Variants in TOX2 observed in about 807,000 individuals in gnomAD.
TOX2 encodes TOX high mobility group box family member 2.
A neutral mutation model predicts 47.4 loss-of-function variants in TOX2; 15 were observed. The ratio of observed to expected loss-of-function variants is 0.32; its 90% CI spans 0.21 to 0.49. The LOEUF (loss-of-function observed/expected upper bound fraction) is 0.49. TOX2 is among the 20% of genes least tolerant of loss of function. The pLI is 0.99. For synonymous variants in TOX2, 290 were observed against 296.6 expected (o/e 0.98, Z 0.23); for missense variants, 622 against 673.1 (o/e 0.92, Z 0.84).
intron 3 of TOX2, among the ~76,000 whole-genome samples, chr20:44,019,969 T>A (rs1402231940): frequency 6.6e-6 from 1 of 152,144 alleles, no homozygotes; most frequent in African/African-American, 2.4e-5. Context: ...AGGGTGTGGA[T>A]CACAGCCGGC....
In TOX2 at chr20:43,980,480, G is replaced by A. The variant is rs559333293; in HGVS notation, c.165+7048G>A. ...ACAACAAAGTATAGTCAATAATTGC[G>A]TATTTTAAAATAACTGAAAGAGTAT... On this transcript the variant is annotated intron_variant, in intron 2 of 8. Transcript: ENST00000341197. Among the ~76,000 whole-genome samples, 7 of 152,224 alleles carry A rather than the reference G, an allele frequency of 4.6e-5. 2 individuals are homozygous for A. The South Asian group carries it at 8.3e-4, about 18-fold the overall frequency.
In TOX2 at chr20:44,039,137, CGT is replaced by C. The variant is rs771661904; in HGVS notation, c.412-12165_412-12164del. The C allele has an allele frequency of 2.2e-5, 27 of 1,255,616 alleles. No homozygotes were observed. The South Asian group carries it at 3.4e-4, about 16-fold the overall frequency. The allele number at this position is 1,255,616 out of a possible 1,614,324, so 77.8% of individuals were successfully genotyped here. On this transcript the variant is annotated intron_variant, in intron 3 of 8. Transcript: ENST00000341197. ...CACTTGAGCAGATGCCGGGAGGCAA[CGT>C]GTGGAGAGCTCTGCCAGAGGCTTGG...
intron 3 of TOX2, among the ~76,000 whole-genome samples, chr20:44,023,431 GAAAAAA>G (rs35627597): frequency 1.4e-3 from 171 of 119,144 alleles, no homozygotes; most frequent in Non-Finnish European, 2.1e-3. Context: ...CTTTATCTCA[GAAAAAA>G]AAAAAAAAAA....
intron 2 of TOX2, among the ~76,000 whole-genome samples, chr20:43,978,146 T>C (rs1380776657): frequency 2.0e-5 from 3 of 152,190 alleles, no homozygotes; most frequent in African/African-American, 7.2e-5. Flanking sequence ...GCTGTGAGTG[T>C]TGGCTGCTAA....
intron 3 of TOX2, among the ~76,000 whole-genome samples, chr20:44,047,429 A>T (rs758865090): frequency 1.1e-4 from 16 of 152,376 alleles, no homozygotes; most frequent in Non-Finnish European, 2.4e-4. Flanking sequence ...TCAAGTCAAC[A>T]TTAATAGAGA....
intron 2 of TOX2, among the ~76,000 whole-genome samples, chr20:44,005,298 CTCTT>C (rs752905454): frequency 2.6e-5 from 4 of 152,218 alleles, no homozygotes; most frequent in Non-Finnish European, 5.9e-5. Context: ...CACATAAACT[CTCTT>C]TCATATTTCC....
rs1159134978 is a variant in TOX2 at position 44,069,302 on chromosome 20, C to T, written c.*616C>T. ...AGTTTTATCTTAAGGGAGACGCGCACAAAAGCGGCTGCCAAACCGTTTCGT... is the reference window on the plus strand; with the variant it reads ...AGTTTTATCTTAAGGGAGACGCGCATAAAAGCGGCTGCCAAACCGTTTCGT... On this transcript the variant is annotated 3_prime_UTR_variant, in exon 9 of 9. Transcript: ENST00000341197. 5.7e-6 allele frequency: 1 copy of T among 176,192 alleles called. No individual in the cohort carries two copies. Among genetic ancestry groups the T allele is most frequent in the Non-Finnish European group, 1.2e-5 (1 of 81,552 alleles). The allele number at this position is 176,192 out of a possible 1,614,324, so 10.9% of individuals were successfully genotyped here. A position where few individuals can be genotyped will look rare whatever the true frequency, so the allele number is the denominator to read the frequency against.
chr20:43,984,918 C>T (rs1374864741), intron 2 of TOX2, among the ~76,000 whole-genome samples: 1 of 152,080 alleles, frequency 6.6e-6, no homozygotes, highest in Non-Finnish European at 1.5e-5. Context: ...CAGCCACCTC[C>T]CAGCCACCTC....
At position 44,006,921 on chromosome 20, in the gene TOX2, G is replaced by A. The variant is rs2070694591; in HGVS notation, c.411+129G>A. The A allele has an allele frequency of 2.2e-6, 3 of 1,368,248 alleles. No homozygotes were observed. The Admixed American group carries it at 8.2e-5, about 37-fold the overall frequency. 84.8% of individuals were successfully genotyped at this position (1,368,248 alleles called of 1,614,324 possible). ...GGGCAGGGTCTGGGTTTACCTGGTT[G>A]CTTGGAGTTGGTAATCCCATGCTGG... is the stretch of plus-strand genomic sequence containing the variant. On this transcript the variant is annotated intron_variant, in intron 3 of 8. Transcript: ENST00000341197.
chr20:43,946,252 A>G (rs1177318374), intron 1 of TOX2, among the ~76,000 whole-genome samples: 1 of 152,178 alleles, frequency 6.6e-6, no homozygotes, highest in Non-Finnish European at 1.5e-5. Flanking sequence ...TGTCCTCTGG[A>G]GAGCAGGGTC....
intron 1 of TOX2, among the ~76,000 whole-genome samples, chr20:43,960,910 C>T (rs1462053627): frequency 2.0e-5 from 3 of 152,186 alleles, no homozygotes; most frequent in Non-Finnish European, 4.4e-5. Flanking sequence ...AGGGCATCAC[C>T]CATTCAACCC....
intron 2 of TOX2, 142 bp downstream of exon 2, chr20:43,973,574 A>G (rs1160914390): frequency 1.4e-5 from 10 of 693,124 alleles, no homozygotes; most frequent in Non-Finnish European, 2.2e-5. Context: ...AAGAATAGCA[A>G]TAGTCTCCTT....
At chr20:44,025,652 C>T (rs1332892871) in intron 3 of TOX2, among the ~76,000 whole-genome samples, 2 of 129,448 alleles carry the variant, frequency 1.5e-5, no homozygotes, top group South Asian at 2.6e-4. Context: ...GTTATTTTCT[C>T]CCCTCCCACC....
intron 1 of TOX2, among the ~76,000 whole-genome samples, chr20:43,956,519 C>G (rs2069671248): frequency 6.7e-6 from 1 of 149,628 alleles, no homozygotes; most frequent in Non-Finnish European, 1.5e-5. Context: ...TGAGATCATG[C>G]CACTGCACTC....
rs1002624193 is a variant in TOX2 at position 44,030,057 on chromosome 20, C to T, written c.412-21249C>T. 2.6e-5 allele frequency among the ~76,000 whole-genome samples: 4 copies of T among 152,132 alleles called. No individual in the cohort carries two copies. The East Asian group carries it at 7.7e-4, about 29-fold the overall frequency. ...GCTGGGTACCACAAGGGAGTCCAGGCCATTTCCACTGCTCTATCCCCTCTC... is the reference window on the plus strand; with the variant it reads ...GCTGGGTACCACAAGGGAGTCCAGGTCATTTCCACTGCTCTATCCCCTCTC... On this transcript the variant is annotated intron_variant, in intron 3 of 8. Coordinates refer to ENST00000341197, the MANE Select transcript of TOX2 (RefSeq NM_001098797.2).
At chr20:43,944,028 T>TTGTG (rs369496171) in intron 1 of TOX2, among the ~76,000 whole-genome samples, 11 of 151,906 alleles carry the variant, frequency 7.2e-5, no homozygotes, top group Non-Finnish European at 1.2e-4. Context: ...GCTTACAGCT[T>TTGTG]TGTGTGTGTG....
At chr20:44,020,645 G>GA (rs1036420620) in intron 3 of TOX2, among the ~76,000 whole-genome samples, 1 of 152,114 alleles carries the variant, frequency 6.6e-6, no homozygotes, top group African/African-American at 2.4e-5. Flanking sequence ...ATTGCCTGGG[G>GA]ACCTGTTAGA....
intron 1 of TOX2, among the ~76,000 whole-genome samples, chr20:43,937,892 C>T (rs993386233): frequency 2.6e-5 from 4 of 152,248 alleles, no homozygotes; most frequent in African/African-American, 9.6e-5. Flanking sequence ...CATAAATGAA[C>T]CAGCACAGAT....
chr20:43,941,068 T>A (rs927984715), intron 1 of TOX2, among the ~76,000 whole-genome samples: 3 of 152,154 alleles, frequency 2.0e-5, no homozygotes, highest in African/African-American at 7.2e-5. Context: ...AAAGGAAGGT[T>A]CCATGGAAAT....
Sources: gnomAD v4.1 joint callset for allele counts (sites outside exome capture counted in the v4.1 genomes callset) on GRCh38, gnomAD v4.1.1 for gene constraint, MANE v1.5 for transcripts, NCBI Gene and HGNC (gene_info 2026-07-23, HGNC 2026-07-21) for gene names.